Variants in PCDHA7 observed in about 807,000 individuals in gnomAD.
The protein encoded by PCDHA7 is protocadherin alpha-7.
Under a neutral mutation model 57.2 loss-of-function variants are expected in PCDHA7, and 37 were observed. The observed-to-expected ratio is 0.65, with a 90% CI of 0.50 to 0.85. The LOEUF (loss-of-function observed/expected upper bound fraction) is 0.85. Among genes scored for constraint, PCDHA7 ranks in the 40% least tolerant of loss-of-function variants. PCDHA7 has a pLI of 0.00. For missense variants in PCDHA7, 1,188 were observed against 1,241.8 expected, an observed-to-expected ratio of 0.96 and a Z score of 0.65; for synonymous variants, 553 against 558.8, an observed-to-expected ratio of 0.99 and a Z score of 0.15.
At chr5:140,984,869 T>C (rs1587042657) in intron 3 of PCDHA7, among the ~76,000 whole-genome samples, 1 of 152,174 alleles carries the variant, frequency 6.6e-6, no homozygotes, top group East Asian at 1.9e-4. Flanking sequence ...ACCTATTTTA[T>C]TGAGTTACCA....
intron 1 of PCDHA7, chr5:140,848,383 C>G (rs1781483118): frequency 8.4e-7 from 1 of 1,197,254 alleles, no homozygotes; most frequent in African/African-American, 1.5e-5. Flanking sequence ...TTCTTTTTCA[C>G]TCTCTCTGTG....
Position 140,925,082 on chromosome 5 carries a change from A to AAAGGAAGG in PCDHA7, c.2356-53849_2356-53842dup, listed in dbSNP as rs138596875. 2.5e-3 allele frequency among the ~76,000 whole-genome samples: 363 copies of AAAGGAAGG among 147,386 alleles called. 3 individuals carry two copies. The highest frequency in any genetic ancestry group is 8.0e-3 in the African/African-American group (310 of 38,948). ...GCAACAAAGCAACACGCTCATCTGG[A>AAAGGAAGG]AAGGAAGGAAGGAAGGAAGGAAGGA... On this transcript the variant is annotated intron_variant, in intron 1 of 3. Transcript: ENST00000525929.
intron 1 of PCDHA7, chr5:140,966,880 C>T (rs1554228837): frequency 1.3e-6 from 2 of 1,588,288 alleles, no homozygotes; most frequent in Admixed American, 3.5e-5. Flanking sequence ...TGCTACCTGG[C>T]CCTGCGGCCT....
intron 3 of PCDHA7, among the ~76,000 whole-genome samples, chr5:140,991,152 C>T (rs533894396): frequency 4.1e-4 from 63 of 152,168 alleles, no homozygotes; most frequent in South Asian, 1.0e-3. Flanking sequence ...TTTTGCTCAC[C>T]ATTGTATTCC....
At chr5:140,845,056 T>C (rs2150376144) in intron 1 of PCDHA7, among the ~76,000 whole-genome samples, 2 of 149,620 alleles carry the variant, frequency 1.3e-5, no homozygotes, top group South Asian at 2.1e-4. Context: ...CAACTGAAGG[T>C]AACCTCAAAG....
Position 140,876,041 on chromosome 5 carries a change from T to A in PCDHA7, c.2355+39303T>A, listed in dbSNP as rs1554168219. The A allele has an allele frequency of 1.9e-6, 3 of 1,613,848 alleles. No homozygotes were observed. Among genetic ancestry groups the A allele is most frequent in the South Asian group, 2.2e-5 (2 of 91,072 alleles). On this transcript the variant is annotated intron_variant, in intron 1 of 3. Transcript: ENST00000525929. ...ATAAAAACAAAAAAAGATAAAAGTATATTGCCTGAATTAGTTCTTCGGAAG... is the reference window on the plus strand; with the variant it reads ...ATAAAAACAAAAAAAGATAAAAGTAAATTGCCTGAATTAGTTCTTCGGAAG...
At chr5:140,869,551 TCG>T in intron 1 of PCDHA7, 1 of 1,614,218 alleles carries the variant, frequency 6.2e-7, no homozygotes, top group Non-Finnish European at 8.5e-7. Context: ...GCAATCGGAC[TCG>T]CGTTTTCCAC....
At chr5:140,867,196 T>G (rs2049814377) in intron 1 of PCDHA7, 1 of 152,086 alleles carries the variant, frequency 6.6e-6, no homozygotes, top group Non-Finnish European at 1.5e-5. Context: ...AGACTCCACA[T>G]TCCATGTAAC....
intron 1 of PCDHA7, chr5:140,853,856 G>T: frequency 1.0e-6 from 1 of 985,598 alleles, no homozygotes; most frequent in South Asian, 4.7e-5. Context: ...AGCCCTATTT[G>T]ATACTTGACA....
At chr5:140,902,677 G>A (rs1457054226) in intron 1 of PCDHA7, among the ~76,000 whole-genome samples, 6 of 151,960 alleles carry the variant, frequency 3.9e-5, no homozygotes, top group Non-Finnish European at 5.9e-5. Flanking sequence ...AGTGTACACC[G>A]TACCTAATAT....
rs373922357 is a variant in PCDHA7, at chr5:140,927,079, G to C, written c.2356-51870G>C. On this transcript the variant is annotated intron_variant, in intron 1 of 3. Coordinates refer to ENST00000525929, the MANE Select transcript of PCDHA7 (RefSeq NM_018910.3). ...CTTTCGCTTCCTTTCCAGCCACCGC[G>C]AGCTCTACTTCGGGGTGGATCTACC... The C allele has an allele frequency of 2.5e-6, 4 of 1,610,870 alleles. No individual in the cohort carries two copies. In the African/African-American group the frequency reaches 5.3e-5, roughly 22 times the overall value.
At chr5:140,876,044 T>G in intron 1 of PCDHA7, 2 of 1,613,884 alleles carry the variant, frequency 1.2e-6, no homozygotes, top group Non-Finnish European at 1.7e-6. Context: ...AAAAGTATAT[T>G]GCCTGAATTA....
intron 1 of PCDHA7, chr5:140,928,905 G>T: frequency 6.2e-7 from 1 of 1,614,138 alleles, no homozygotes; most frequent in South Asian, 1.1e-5. Flanking sequence ...AAGATGTCTG[G>T]GAACCAGGAG....
intron 1 of PCDHA7, chr5:140,876,879 G>T (rs782299548): frequency 6.2e-7 from 1 of 1,614,150 alleles, no homozygotes; most frequent in Non-Finnish European, 8.5e-7. Context: ...AGAACAACCC[G>T]CCGGGCTGCC....
At chr5:140,878,093 G>C (rs1209778256) in intron 1 of PCDHA7, 1 of 292,952 alleles carries the variant, frequency 3.4e-6, no homozygotes, top group Non-Finnish European at 6.0e-6. Context: ...TTATATGACT[G>C]ATGAACCTTG....
At chr5:140,926,115 A>G (rs1554203115) in intron 1 of PCDHA7, among the ~76,000 whole-genome samples, 1 of 152,134 alleles carries the variant, frequency 6.6e-6, no homozygotes, top group East Asian at 1.9e-4. Context: ...AGGGTGCAGG[A>G]CAGACTTCAA....
intron 1 of PCDHA7, chr5:140,877,927 A>G: frequency 7.1e-7 from 1 of 1,416,192 alleles, no homozygotes; most frequent in South Asian, 1.6e-5. Flanking sequence ...TTTCTTTATG[A>G]TTCTATCCTT....
chr5:140,959,057 G>A (rs1437392976), intron 1 of PCDHA7, among the ~76,000 whole-genome samples: 1 of 152,092 alleles, frequency 6.6e-6, no homozygotes, highest in Non-Finnish European at 1.5e-5. Context: ...AAAAAATGCA[G>A]TATATATAGA....
intron 1 of PCDHA7, chr5:140,857,003 G>C: frequency 6.3e-7 from 1 of 1,595,436 alleles, no homozygotes; most frequent in Non-Finnish European, 8.6e-7. Context: ...TGAAATTCAT[G>C]TAGATGTTAC....
Sources: gnomAD v4.1 joint callset for allele counts (sites outside exome capture counted in the v4.1 genomes callset) on GRCh38, gnomAD v4.1.1 for gene constraint, MANE v1.5 for transcripts, NCBI Gene and HGNC (gene_info 2026-07-23, HGNC 2026-07-21) for gene names.